PCCA: variants seen among roughly 807,000 people sequenced by gnomAD.
PCCA encodes propionyl-CoA carboxylase subunit alpha.
PCCA carries 74 observed loss-of-function variants against 101.3 expected under a neutral mutation model. The observed-to-expected ratio is 0.73, with a 90% CI of 0.61 to 0.89. The LOEUF (loss-of-function observed/expected upper bound fraction) is 0.89, where lower values mean the gene tolerates loss of function less well. Ranked by LOEUF, PCCA falls within the 40% of genes least tolerant of loss-of-function variation. PCCA has a pLI of 0.00. For missense variants in PCCA, 891 were observed against 907.0 expected, an observed-to-expected ratio of 0.98 and a Z score of 0.23; for synonymous variants, 294 against 313.6, an observed-to-expected ratio of 0.94 and a Z score of 0.66.
intron 6 of PCCA, among the ~76,000 whole-genome samples, chr13:100,178,339 T>C (rs1378710956): frequency 6.6e-6 from 1 of 152,232 alleles, no homozygotes; most frequent in African/African-American, 2.4e-5. Context: ...AGAAAATAGT[T>C]GAAAAATAGA....
At chr13:100,360,752 G>T (rs530934472) in intron 18 of PCCA, among the ~76,000 whole-genome samples, 1 of 152,222 alleles carries the variant, frequency 6.6e-6, no homozygotes, top group South Asian at 2.1e-4. Context: ...AGACAGTTTG[G>T]CAGTTTCTTA....
intron 7 of PCCA, among the ~76,000 whole-genome samples, chr13:100,223,536 C>T (rs928395217): frequency 1.3e-5 from 2 of 152,102 alleles, no homozygotes; most frequent in Admixed American, 6.5e-5. Context: ...AGCGTTATAG[C>T]TCATAAAGGC....
rs375772257 is a variant in PCCA, at chr13:100,341,997, G to A, written c.1643+1738G>A. Among the ~76,000 whole-genome samples, 1,243 of 133,110 alleles carry A rather than the reference G, an allele frequency of 9.3e-3. 25 individuals carry two copies. The highest frequency in any genetic ancestry group is 0.035 in the African/African-American group (1,110 of 31,496). 87.3% of individuals were successfully genotyped at this position (133,110 alleles called of 152,430 possible). The stretch of plus-strand genomic sequence containing the variant: ...TATATATATATGTATTTATGTGTGT[G>A]TATATATATGTATTTTTATATACAT... On this transcript the variant is annotated intron_variant, in intron 18 of 23. Coordinates refer to ENST00000376285, the MANE Select transcript of PCCA (RefSeq NM_000282.4).
Position 100,330,570 on chromosome 13 carries a change from A to G in PCCA, c.1439A>G (p.His480Arg), listed in dbSNP as rs1315453450. 6.3e-7 allele frequency: 1 copy of G among 1,594,970 alleles called. No individual in the cohort carries two copies. Among genetic ancestry groups the G allele is most frequent in the South Asian group, 1.1e-5 (1 of 90,662 alleles). ...ATCATTTTACTTTTAGGTGTTACAC[A>G]TAATATTGCATTACTTCGAGAGGTG... ...LDNYVIRGVT[H>R]NIALLREVII... The change falls in exon 17 of 24, where the codon CAT becomes CGT. Residue 480 changes from histidine to arginine, a missense_variant. Coordinates refer to ENST00000376285, the MANE Select transcript of PCCA (RefSeq NM_000282.4).
In PCCA at chr13:100,515,571, A is replaced by AG; in HGVS notation, c.2040+7dup. On this transcript the variant is annotated splice_donor_region_variant and intron_variant, in intron 22 of 23. Coordinates refer to ENST00000376285, the MANE Select transcript of PCCA (RefSeq NM_000282.4). ...CTCTGTCAAGCCTGGAGACGCGGTAAGGGCTGTGTGTGTCTCTCTGCAGGA... is the reference window on the plus strand; with the variant it reads ...CTCTGTCAAGCCTGGAGACGCGGTAAGGGGCTGTGTGTGTCTCTCTGCAGGA... 6.2e-7 allele frequency: 1 copy of AG among 1,613,396 alleles called. No homozygotes were observed. The highest frequency in any genetic ancestry group is 1.3e-5 in the African/African-American group (1 of 75,050).
At chr13:100,126,968 C>T (rs934491218) in intron 4 of PCCA, among the ~76,000 whole-genome samples, 10 of 152,160 alleles carry the variant, frequency 6.6e-5, no homozygotes, top group Non-Finnish European at 1.2e-4. Flanking sequence ...TCAGCAGCAT[C>T]AGAAGTAAAA....
At chr13:100,362,825 A>G (rs2074768712) in intron 18 of PCCA, among the ~76,000 whole-genome samples, 1 of 152,200 alleles carries the variant, frequency 6.6e-6, no homozygotes, top group African/African-American at 2.4e-5. Context: ...AGACTCTTCC[A>G]CACAGTCTCA....
At chr13:100,406,742 G>A (rs1280121702) in intron 19 of PCCA, among the ~76,000 whole-genome samples, 5 of 152,042 alleles carry the variant, frequency 3.3e-5, no homozygotes, top group Admixed American at 6.6e-5. Context: ...TTCAAAATAA[G>A]TTTCCTTGAC....
intron 19 of PCCA, among the ~76,000 whole-genome samples, chr13:100,410,850 A>AT (rs1169105760): frequency 6.6e-6 from 1 of 151,740 alleles, no homozygotes. Flanking sequence ...GCACTGTCAT[A>AT]TTTTTTTCTA....
At chr13:100,209,566 A>G (rs2059080062) in intron 7 of PCCA, 103 bp downstream of exon 7, 1 of 837,376 alleles carries the variant, frequency 1.2e-6, no homozygotes, top group Non-Finnish European at 2.1e-6. Flanking sequence ...ATATACACAC[A>G]CACACACACA....
At chr13:100,240,524 A>C (rs541103029) in intron 8 of PCCA, among the ~76,000 whole-genome samples, 5 of 152,230 alleles carry the variant, frequency 3.3e-5, no homozygotes, top group Admixed American at 3.3e-4. Context: ...ACTGCCACCC[A>C]GTCATTCTCT....
At chr13:100,129,202 T>C (rs1836155859) in intron 4 of PCCA, among the ~76,000 whole-genome samples, 1 of 152,248 alleles carries the variant, frequency 6.6e-6, no homozygotes, top group Admixed American at 6.5e-5. Flanking sequence ...TAAATAATTT[T>C]GGAATCTAGT....
intron 21 of PCCA, among the ~76,000 whole-genome samples, chr13:100,492,859 G>A (rs1009422797): frequency 1.3e-5 from 2 of 151,572 alleles, no homozygotes; most frequent in Non-Finnish European, 2.9e-5. Flanking sequence ...AACTCCAGGG[G>A]AAAGATCATC....
chr13:100,472,622 C>T (rs1015479655), intron 21 of PCCA, among the ~76,000 whole-genome samples: 8 of 152,032 alleles, frequency 5.3e-5, no homozygotes, highest in African/African-American at 1.7e-4. Flanking sequence ...CTTAGTGGGG[C>T]TTCCTCGGGA....
chr13:100,412,179 TG>T (rs2078093459), intron 19 of PCCA, among the ~76,000 whole-genome samples: 1 of 152,204 alleles, frequency 6.6e-6, no homozygotes, highest in Non-Finnish European at 1.5e-5. Context: ...AAAATGTTGT[TG>T]ATAGCACAGT....
chr13:100,220,004 G>A (rs2059723348), intron 7 of PCCA, among the ~76,000 whole-genome samples: 1 of 152,102 alleles, frequency 6.6e-6, no homozygotes, highest in Admixed American at 6.6e-5. Context: ...TTCCCAGCCA[G>A]TTTTTGCTTG....
intron 8 of PCCA, among the ~76,000 whole-genome samples, chr13:100,246,005 T>C (rs1311591974): frequency 1.3e-5 from 2 of 152,178 alleles, no homozygotes; most frequent in African/African-American, 2.4e-5. Context: ...GAGCTGTGAA[T>C]ATTTGTTGGT....
intron 2 of PCCA, among the ~76,000 whole-genome samples, chr13:100,105,046 G>A (rs2047627129): frequency 6.6e-6 from 1 of 151,790 alleles, no homozygotes; most frequent in Non-Finnish European, 1.5e-5. Context: ...AAGTAAACAG[G>A]CAAAATTAAT....
At chr13:100,467,997 G>C (rs1166116659) in intron 21 of PCCA, among the ~76,000 whole-genome samples, 2 of 152,198 alleles carry the variant, frequency 1.3e-5, no homozygotes, top group Non-Finnish European at 2.9e-5. Context: ...TGAAACGACT[G>C]CTTGATCCAT....
Sources: allele counts gnomAD v4.1 joint callset (sites outside exome capture counted in the v4.1 genomes callset), GRCh38; gene constraint gnomAD v4.1.1; transcripts MANE v1.5; gene names NCBI Gene and HGNC (gene_info 2026-07-23, HGNC 2026-07-21).